Variants in PRKCA observed in about 807,000 individuals in gnomAD.
The protein encoded by PRKCA is protein kinase C alpha, also known as protein kinase C alpha type.
In PRKCA, 27 loss-of-function variants were observed where a neutral mutation model predicts 87.0. The observed-to-expected ratio is 0.31, with a 90% confidence interval of 0.23 to 0.43. The LOEUF is 0.43. Among genes scored for constraint, PRKCA ranks in the 20% least tolerant of loss-of-function variants. The pLI, the probability that PRKCA is intolerant of heterozygous loss-of-function variation, is 1.00. For synonymous variants in PRKCA, 329 were observed against 311.1 expected (o/e 1.06, Z -0.61); for missense variants, 518 against 852.3 (o/e 0.61, Z 4.88).
At chr17:66,789,889 G>T (rs981648513) in intron 16 of PRKCA, among the ~76,000 whole-genome samples, 16 of 152,204 alleles carry the variant, frequency 1.1e-4, no homozygotes, top group African/African-American at 3.6e-4. Flanking sequence ...AAGTCAGCCT[G>T]CTCACTCACC....
At chr17:66,594,420 A>G (rs573812227) in intron 3 of PRKCA, among the ~76,000 whole-genome samples, 1 of 152,296 alleles carries the variant, frequency 6.6e-6, no homozygotes, top group East Asian at 1.9e-4. Flanking sequence ...TTACTTGTCC[A>G]GATGGCCTCT....
At chr17:66,617,733 C>G (rs1028629806) in intron 3 of PRKCA, among the ~76,000 whole-genome samples, 1 of 152,134 alleles carries the variant, frequency 6.6e-6, no homozygotes, top group African/African-American at 2.4e-5. Flanking sequence ...ACCACCAGGC[C>G]TTCCTTTATA....
chr17:66,319,090 T>A (rs1905494889), intron 2 of PRKCA, among the ~76,000 whole-genome samples: 1 of 152,146 alleles, frequency 6.6e-6, no homozygotes, highest in East Asian at 1.9e-4. Flanking sequence ...ATTGTGCAGC[T>A]GCACTTTAGC....
At chr17:66,642,864 G>A (rs1233869671) in intron 4 of PRKCA, among the ~76,000 whole-genome samples, 1 of 152,084 alleles carries the variant, frequency 6.6e-6, no homozygotes, top group African/African-American at 2.4e-5. Flanking sequence ...CCAACATAGC[G>A]AAACCCCGTC....
At chr17:66,343,710 A>AG (rs1463261021) in intron 2 of PRKCA, among the ~76,000 whole-genome samples, 4 of 152,036 alleles carry the variant, frequency 2.6e-5, no homozygotes, top group East Asian at 1.9e-4. Context: ...TTAGATATAA[A>AG]GGGGGGGTTG....
intron 2 of PRKCA, among the ~76,000 whole-genome samples, chr17:66,491,937 T>G (rs756153051): frequency 6.6e-6 from 1 of 152,194 alleles, no homozygotes. Context: ...ACCTCCAAGC[T>G]CCTCTTTCCT....
At chr17:66,394,196 C>A (rs9897870) in intron 2 of PRKCA, among the ~76,000 whole-genome samples, 120,421 of 152,084 alleles carry the variant, frequency 0.79, 48,165 homozygotes, top group South Asian at 0.87. Context: ...AAAGAAATGT[C>A]TTTTTTTTGA....
intron 14 of PRKCA, among the ~76,000 whole-genome samples, chr17:66,781,868 GATATAT>G (rs1201713784): frequency 1.7e-4 from 17 of 99,358 alleles, no homozygotes; most frequent in Non-Finnish European, 2.0e-4. Context: ...GAGAGAGAGA[GATATAT>G]ATATATATAT....
At chr17:66,346,863 CT>C (rs2143394733) in intron 2 of PRKCA, among the ~76,000 whole-genome samples, 1 of 152,052 alleles carries the variant, frequency 6.6e-6, no homozygotes, top group South Asian at 2.1e-4. Context: ...AACCCCATCT[CT>C]ACTAAAAATA....
intron 5 of PRKCA, among the ~76,000 whole-genome samples, chr17:66,652,473 A>G (rs1355001265): frequency 6.6e-6 from 1 of 152,192 alleles, no homozygotes; most frequent in African/African-American, 2.4e-5. Context: ...GGGAATGCTG[A>G]AATATTTTAG....
At chr17:66,412,452 G>A (rs973569943) in intron 2 of PRKCA, among the ~76,000 whole-genome samples, 1 of 152,114 alleles carries the variant, frequency 6.6e-6, no homozygotes, top group African/African-American at 2.4e-5. Context: ...TTTGTCAGAC[G>A]TTTTCTTTAA....
chr17:66,681,653 A>G (rs1356812453), intron 5 of PRKCA, among the ~76,000 whole-genome samples: 2 of 152,200 alleles, frequency 1.3e-5, no homozygotes, highest in African/African-American at 4.8e-5. Context: ...ATAAACTGCG[A>G]AGTTGGGTAA....
chr17:66,303,177 C>CG (rs1904609370), intron 1 of PRKCA, among the ~76,000 whole-genome samples, 153 bp downstream of exon 1: 2 of 152,210 alleles, frequency 1.3e-5, no homozygotes, highest in South Asian at 4.1e-4. Context: ...CACGCGCGCC[C>CG]GGCCCTGACA....
chr17:66,631,811 G>A (rs908147060), intron 3 of PRKCA, among the ~76,000 whole-genome samples: 16 of 152,002 alleles, frequency 1.1e-4, no homozygotes, highest in African/African-American at 3.9e-4. Flanking sequence ...CATGTACCCC[G>A]TAAATATATA....
intron 13 of PRKCA, among the ~76,000 whole-genome samples, chr17:66,753,214 T>G (rs527399183): frequency 6.6e-6 from 1 of 152,276 alleles, no homozygotes; most frequent in South Asian, 2.1e-4. Context: ...CCTTATAGGG[T>G]TAGAGTCTGC....
At chr17:66,533,708 T>A (rs1049677471) in intron 3 of PRKCA, among the ~76,000 whole-genome samples, 1 of 152,000 alleles carries the variant, frequency 6.6e-6, no homozygotes, top group African/African-American at 2.4e-5. Flanking sequence ...CCGCCCCCAC[T>A]GGCCAGGCAG....
At chr17:66,768,376 T>C (rs995699806) in intron 13 of PRKCA, among the ~76,000 whole-genome samples, 18 of 152,214 alleles carry the variant, frequency 1.2e-4, no homozygotes, top group Admixed American at 3.9e-4. Context: ...CATGAGCCAC[T>C]GTGCCTTTCC....
intron 3 of PRKCA, among the ~76,000 whole-genome samples, chr17:66,617,759 A>G (rs933559136): frequency 6.6e-6 from 1 of 152,226 alleles, no homozygotes; most frequent in East Asian, 1.9e-4. Context: ...CTCATGAAGA[A>G]CATTAACTTT....
chr17:66,786,525 C>T (rs59541509), intron 14 of PRKCA, among the ~76,000 whole-genome samples: 10,899 of 152,180 alleles, frequency 0.072, 531 homozygotes, highest in East Asian at 0.14. Flanking sequence ...CTAACTTGAT[C>T]GTAATTAGAT....
Sources: gnomAD v4.1 joint callset for allele counts (sites outside exome capture counted in the v4.1 genomes callset) on GRCh38, gnomAD v4.1.1 for gene constraint, MANE v1.5 for transcripts, NCBI Gene and HGNC (gene_info 2026-07-23, HGNC 2026-07-21) for gene names.